The following PDLIM2 variants were observed in gnomAD, a reference collection of about 807,000 sequenced individuals.
PDLIM2 encodes PDZ and LIM domain 2.
Under a neutral mutation model 54.1 loss-of-function variants are expected in PDLIM2, and 51 were observed. That is an observed-to-expected ratio of 0.94 (90% CI 0.75 to 1.19). The LOEUF is 1.19. PDLIM2 is among the 50% of genes most tolerant of loss of function. The pLI is 0.00. For missense variants in PDLIM2, 912 were observed against 874.0 expected (o/e 1.04, Z -0.55); for synonymous variants, 398 against 385.6 (o/e 1.03, Z -0.38).
exon 5 of PDLIM2, chr8:22,585,091 G>C (rs571740434): frequency 3.1e-6 from 5 of 1,613,950 alleles, no homozygotes; most frequent in South Asian, 1.1e-5. Flanking sequence ...CCCTCAGCCC[G>C]AGGGCCGGCA....
chr8:22,594,118 A>G (rs1800630867), exon 10 of PDLIM2: 3 of 1,427,660 alleles, frequency 2.1e-6, no homozygotes, highest in Non-Finnish European at 2.7e-6. Flanking sequence ...TCTCCCCTGC[A>G]GGACTGGCAT....
chr8:22,586,616 C>G (rs1038310), intron 6 of PDLIM2, among the ~76,000 whole-genome samples: 107,576 of 151,664 alleles, frequency 0.71, 38,557 homozygotes, highest in East Asian at 0.98. Context: ...TTAGGGGGAA[C>G]CTTTGTTCTG....
At chr8:22,588,438 A>G (rs541217261) in intron 6 of PDLIM2, 1,755 of 152,398 alleles carry the variant, frequency 0.012, 11 homozygotes, top group Non-Finnish European at 0.017. Context: ...GCATCGGCCC[A>G]CCTGGCTGTC....
At chr8:22,591,952 G>A (rs1289198621) in intron 9 of PDLIM2, 15 of 304,100 alleles carry the variant, frequency 4.9e-5, no homozygotes, top group Non-Finnish European at 6.7e-5. Flanking sequence ...AGATCTGCCC[G>A]GAGGTACAGC....
chr8:22,594,717 C>T (rs543087327), downstream of PDLIM2: 67 of 1,538,432 alleles, frequency 4.4e-5, no homozygotes, highest in Non-Finnish European at 5.2e-5. Context: ...GTTGATCTAC[C>T]GACACCTTCC....
At chr8:22,580,740 G>A (rs1331558231) in intron 2 of PDLIM2, 43 bp downstream of exon 1, 3 of 1,597,866 alleles carry the variant, frequency 1.9e-6, no homozygotes, top group Non-Finnish European at 2.6e-6. Context: ...CCTGCCAGAA[G>A]CGAGGTCGGC....
chr8:22,588,947 A>G lies in PDLIM2; in HGVS notation c.1291-351A>G, dbSNP rs557817050. On this transcript the variant is annotated intron_variant, in intron 6 of 9. Transcript: ENST00000308354. ...GGATCGGAGCCAGGCCCCAGTGTGC[A>G]ATGTCTTTGCACACAGATAATAGCG... 3.6e-4 allele frequency: 138 copies of G among 383,116 alleles called. No individual in the cohort carries two copies. In the South Asian group the frequency reaches 4.0e-3, roughly 11 times the overall value. The allele number at this position is 383,116 out of a possible 1,614,324, so 23.7% of individuals were successfully genotyped here. A position where few individuals can be genotyped will look rare whatever the true frequency, so the allele number is the denominator to read the frequency against.
chr8:22,589,557 G>T (rs1800476399), intron 7 of PDLIM2, 39 bp from the exon 7 acceptor site: 1 of 1,585,656 alleles, frequency 6.3e-7, no homozygotes, highest in Admixed American at 1.7e-5. Context: ...CTAAGCTCCG[G>T]CACGGGACCC....
In PDLIM2 at chr8:22,578,986, TC is replaced by T; in HGVS notation, c.213del (p.Gly72AlafsTer182). The T allele has an allele frequency of 3.2e-6, 4 of 1,241,306 alleles. No homozygotes were observed. The highest frequency in any genetic ancestry group is 3.0e-6 in the Non-Finnish European group (3 of 994,370). 76.9% of individuals were successfully genotyped at this position (1,241,306 alleles called of 1,614,324 possible). A position where few individuals can be genotyped will look rare whatever the true frequency, so the allele number is the denominator to read the frequency against. ...GGGGCCCTGGGGACAGCCTGCCTCATCCCCCCGGCGGGCTCGGGCCAGGTGG... is the reference window on the plus strand; with the variant it reads ...GGGGCCCTGGGGACAGCCTGCCTCATCCCCCGGCGGGCTCGGGCCAGGTGG... On this transcript the variant is annotated frameshift_variant, in exon 1 of 10. Coordinates refer to ENST00000308354, the Ensembl canonical transcript of PDLIM2. LOFTEE classifies it high-confidence loss of function.
At chr8:22,581,498 G>T (rs1800204698) in exon 3 of PDLIM2, 1 of 1,599,528 alleles carries the variant, frequency 6.3e-7, no homozygotes, top group Admixed American at 1.7e-5. Flanking sequence ...AGATCCGCCA[G>T]AGCCCCTCGC....
At chr8:22,579,549 C>T (rs1800130200) in intron 1 of PDLIM2, 2 of 1,441,140 alleles carry the variant, frequency 1.4e-6, no homozygotes, top group African/African-American at 1.5e-5. Context: ...TCGGGGCGGC[C>T]GCGAGCCGGC....
Position 22,581,192 on chromosome 8 carries a change from G to C in PDLIM2, c.844-187G>C, listed in dbSNP as rs1800190765. On this transcript the variant is annotated intron_variant, in intron 2 of 9. Transcript: ENST00000308354. Reference sequence around the variant, plus strand: ...CCATTAGAATGCCAGTGTGGGGTGGGGGCTGCCACCTGCGCTCCTGGAGGG... The same window carrying C: ...CCATTAGAATGCCAGTGTGGGGTGGCGGCTGCCACCTGCGCTCCTGGAGGG... 7 of 704,458 alleles carry C rather than the reference G, an allele frequency of 9.9e-6. No homozygotes were observed. The South Asian group carries it at 1.2e-4, about 12-fold the overall frequency. The allele number at this position is 704,458 out of a possible 1,614,324, so 43.6% of individuals were successfully genotyped here. A position where few individuals can be genotyped will look rare whatever the true frequency, so the allele number is the denominator to read the frequency against.
chr8:22,593,593 A>G (rs1223611188), intron 9 of PDLIM2, 140 bp from the exon 9 acceptor site: 3 of 637,356 alleles, frequency 4.7e-6, no homozygotes, highest in South Asian at 2.4e-5. Flanking sequence ...AAAAAAAAAA[A>G]AAAAAAAAAA....
At chr8:22,580,815 G>C in intron 2 of PDLIM2, 118 bp downstream of exon 1, 1 of 1,128,992 alleles carries the variant, frequency 8.9e-7, no homozygotes, top group Non-Finnish European at 1.3e-6. Flanking sequence ...ATCTGCTGCT[G>C]CCTGGCGTGC....
chr8:22,589,308 G>A, exon 7 of PDLIM2: 2 of 1,534,050 alleles, frequency 1.3e-6, no homozygotes, highest in South Asian at 1.2e-5. Context: ...GCCGGCCTCG[G>A]CCGCGCTGGC....
exon 1 of PDLIM2, chr8:22,579,301 G>T: frequency 7.1e-7 from 1 of 1,400,722 alleles, no homozygotes. Flanking sequence ...CCCTGTCGGC[G>T]CGGAACCCTG....
chr8:22,583,301 G>T (rs1474128922), intron 3 of PDLIM2, among the ~76,000 whole-genome samples: 1 of 152,048 alleles, frequency 6.6e-6, no homozygotes, highest in African/African-American at 2.4e-5. Flanking sequence ...TAACTGGGGA[G>T]ACCCCTGAGA....
chr8:22,585,485 G>T (rs1188352042), intron 6 of PDLIM2, 86 bp downstream of exon 5: 44 of 1,348,974 alleles, frequency 3.3e-5, no homozygotes, highest in Non-Finnish European at 4.4e-5. Flanking sequence ...ACTGCAGGCG[G>T]CCAGGCCCAC....
At chr8:22,583,044 C>T (rs1017125864) in intron 3 of PDLIM2, among the ~76,000 whole-genome samples, 8 of 151,938 alleles carry the variant, frequency 5.3e-5, no homozygotes, top group African/African-American at 1.9e-4. Flanking sequence ...TCCCATGGCT[C>T]TCCCAGGAAG....
Sources: allele counts gnomAD v4.1 joint callset (sites outside exome capture counted in the v4.1 genomes callset), GRCh38; gene constraint gnomAD v4.1.1; transcripts MANE v1.5; gene names NCBI Gene and HGNC (gene_info 2026-07-23, HGNC 2026-07-21).